AR: variants seen among roughly 807,000 people sequenced by gnomAD.
AR encodes dihydrotestosterone receptor.
A neutral mutation model predicts 53.9 loss-of-function variants in AR; 8 were observed. The ratio of observed to expected loss-of-function variants is 0.15; its 90% CI spans 0.09 to 0.27. The LOEUF is 0.27. Among genes scored for constraint, AR ranks in the 10% least tolerant of loss-of-function variants. AR has a pLI of 1.00. For synonymous variants in AR, 359 were observed against 316.4 expected, an observed-to-expected ratio of 1.13 and a Z score of -1.43; for missense variants, 639 against 742.5, an observed-to-expected ratio of 0.86 and a Z score of 1.62.
At chrX:67,579,090 G>C (rs1384547632) in intron 1 of AR, among the ~76,000 whole-genome samples, 1 of 111,899 alleles carries the variant, frequency 8.9e-6, no homozygotes, top group East Asian at 2.8e-4. Flanking sequence ...AGAGTTACTT[G>C]TCTCAATTCA....
chrX:67,629,526 CT>C (rs1262072720), intron 1 of AR, among the ~76,000 whole-genome samples: 1 of 108,390 alleles, frequency 9.2e-6, no homozygotes, highest in East Asian at 2.9e-4. Context: ...ATTCTTCTCT[CT>C]TTTTTTCTTT....
chrX:67,722,808 T>C lies in AR; in HGVS notation c.2450-19T>C. The C allele has an allele frequency of 2.5e-6, 3 of 1,210,933 alleles. No homozygotes were observed. Among genetic ancestry groups the C allele is most frequent in the Non-Finnish European group, 2.2e-6 (2 of 894,934 alleles). ...GTGGGCATGCTTCCCCTCCCCATTC[T>C]GTCTTCATCCCACATCAGTTCCAGT... On this transcript the variant is annotated intron_variant, in intron 6 of 7. Transcript: ENST00000374690.
chrX:67,566,699 G>T lies in AR; in HGVS notation c.1616+19937G>T, dbSNP rs781738730. ...GATTGTTGTTTAAGAGTTGATTTTAGATTTTTTCCAAGTAAATGGTCAGCT... is the reference window on the plus strand; with the variant it reads ...GATTGTTGTTTAAGAGTTGATTTTATATTTTTTCCAAGTAAATGGTCAGCT... On this transcript the variant is annotated intron_variant, in intron 1 of 7. Coordinates refer to ENST00000374690, the MANE Select transcript of AR (RefSeq NM_000044.6). Among the ~76,000 whole-genome samples, 10 of 111,212 alleles carry T rather than the reference G, an allele frequency of 9.0e-5. 1 individual carries two copies. The highest frequency in any genetic ancestry group is 2.9e-4 in the African/African-American group (9 of 30,649).
chrX:67,717,901 A>G (rs1287810483), intron 5 of AR, among the ~76,000 whole-genome samples: 2 of 112,227 alleles, frequency 1.8e-5, no homozygotes, highest in Admixed American at 9.4e-5. Context: ...TCAAAACCAC[A>G]TGGAAAGATT....
chrX:67,546,053 A>C lies in AR; in HGVS notation c.907A>C (p.Thr303Pro), dbSNP rs1252345194. The C allele has an allele frequency of 2.5e-6, 3 of 1,211,219 alleles. No individual in the cohort carries two copies. Among genetic ancestry groups the C allele is most frequent in the Non-Finnish European group, 1.1e-6 (1 of 895,476 alleles). Reference sequence around the variant, plus strand: ...GCTAGACGACAGCGCAGGCAAGAGCACTGAAGATACTGCTGAGTATTCCCC... The same window carrying C: ...GCTAGACGACAGCGCAGGCAAGAGCCCTGAAGATACTGCTGAGTATTCCCC... ...SLLDDSAGKS[T>P]EDTAEYSPFK... is the part of the protein sequence containing the mutation. The change falls in exon 1 of 8, where the codon ACT (threonine) becomes CCT (proline). Residue 303 changes from threonine to proline, a missense_variant. Transcript: ENST00000374690.
chrX:67,673,471 A>ATTT (rs34317430), intron 2 of AR, among the ~76,000 whole-genome samples: 4 of 68,463 alleles, frequency 5.8e-5, no homozygotes, highest in Non-Finnish European at 8.8e-5. Context: ...ATTGTTTGCT[A>ATTT]TTTTTTTTTT....
rs112357712 is a variant in AR, at chrX:67,672,308, A to G, written c.1769-13702A>G. Reference sequence around the variant, plus strand: ...TTTTCATCCATTCAGCCAGTCTATAACTTTTGCTTGGAGAGTTTCGTCCAT... The same window carrying G: ...TTTTCATCCATTCAGCCAGTCTATAGCTTTTGCTTGGAGAGTTTCGTCCAT... On this transcript the variant is annotated intron_variant, in intron 2 of 7. Transcript: ENST00000374690. Among the ~76,000 whole-genome samples, 324 of 110,729 alleles carry G rather than the reference A, an allele frequency of 2.9e-3. 2 individuals are homozygous for G. The highest frequency in any genetic ancestry group is 5.2e-3 in the Non-Finnish European group (275 of 53,012).
At chrX:67,553,526 G>A (rs143061848) in intron 1 of AR, among the ~76,000 whole-genome samples, 149 of 111,715 alleles carry the variant, frequency 1.3e-3, no homozygotes, top group African/African-American at 4.6e-3. Flanking sequence ...AGATTGCTTT[G>A]GCTCTTGTGG....
chrX:67,561,979 C>T (rs1421807513), intron 1 of AR, among the ~76,000 whole-genome samples: 1 of 75,600 alleles, frequency 1.3e-5, no homozygotes, highest in Non-Finnish European at 2.3e-5. Flanking sequence ...TCACTCTTGT[C>T]GCCCAGGCTG....
intron 1 of AR, among the ~76,000 whole-genome samples, chrX:67,563,388 C>T (rs749389414): frequency 1.8e-5 from 2 of 111,926 alleles, no homozygotes; most frequent in South Asian, 7.5e-4. Context: ...AATGAAGATA[C>T]TAATGCTTCC....
At chrX:67,679,991 T>C (rs1367024541) in intron 2 of AR, among the ~76,000 whole-genome samples, 1 of 112,368 alleles carries the variant, frequency 8.9e-6, no homozygotes, top group African/African-American at 3.2e-5. Flanking sequence ...CCTTTAAAAA[T>C]TTTGAAATTT....
At chrX:67,604,750 T>C in intron 1 of AR, among the ~76,000 whole-genome samples, 1 of 111,968 alleles carries the variant, frequency 8.9e-6, no homozygotes, top group East Asian at 2.8e-4. Flanking sequence ...TACCCTCTTT[T>C]AATGTTTGAA....
chrX:67,678,083 G>A (rs983748942), intron 2 of AR, among the ~76,000 whole-genome samples: 1 of 110,137 alleles, frequency 9.1e-6, no homozygotes, highest in Non-Finnish European at 1.9e-5. Context: ...TGTAAAATAG[G>A]GGGGTATGAA....
chrX:67,624,873 T>C (rs1425473200), intron 1 of AR, among the ~76,000 whole-genome samples: 1 of 91,737 alleles, frequency 1.1e-5, no homozygotes, highest in Non-Finnish European at 2.1e-5. Context: ...AATTTACCAT[T>C]GTATTGTAGA....
intron 1 of AR, among the ~76,000 whole-genome samples, chrX:67,578,850 G>A (rs1922168090): frequency 8.9e-6 from 1 of 111,907 alleles, no homozygotes; most frequent in Admixed American, 9.5e-5. Context: ...TTAGGCATAA[G>A]TGCTTAATAA....
chrX:67,715,618 C>T (rs1170983843), intron 4 of AR, among the ~76,000 whole-genome samples: 1 of 111,839 alleles, frequency 8.9e-6, no homozygotes, highest in African/African-American at 3.3e-5. Context: ...AGAAAAAACA[C>T]TGGAGAAGAG....
At chrX:67,566,122 T>A (rs1921546447) in intron 1 of AR, among the ~76,000 whole-genome samples, 1 of 112,694 alleles carries the variant, frequency 8.9e-6, no homozygotes, top group South Asian at 3.6e-4. Flanking sequence ...ATTTGTTTTA[T>A]CACTTGTGAA....
chrX:67,707,736 C>T (rs1376913407), intron 3 of AR, among the ~76,000 whole-genome samples: 1 of 111,858 alleles, frequency 8.9e-6, no homozygotes, highest in Non-Finnish European at 1.9e-5. Flanking sequence ...TCTTCCTAGC[C>T]TCGATGGTCT....
At chrX:67,549,518 G>A (rs1291245791) in intron 1 of AR, among the ~76,000 whole-genome samples, 1 of 111,993 alleles carries the variant, frequency 8.9e-6, no homozygotes, top group African/African-American at 3.3e-5. Flanking sequence ...TGGGGCTTGT[G>A]TGCAACCCTG....
Sources: gnomAD v4.1 joint callset for allele counts (sites outside exome capture counted in the v4.1 genomes callset) on GRCh38, gnomAD v4.1.1 for gene constraint, MANE v1.5 for transcripts, NCBI Gene and HGNC (gene_info 2026-07-23, HGNC 2026-07-21) for gene names.